Variants in DNM3 observed in about 807,000 individuals in gnomAD.
DNM3 encodes the protein dynamin 3.
Under a neutral mutation model 101.6 loss-of-function variants are expected in DNM3, and 47 were observed. The observed-to-expected ratio is 0.46, with a 90% CI of 0.37 to 0.59. The LOEUF is 0.59. DNM3 is among the 20% of genes least tolerant of loss of function. DNM3 has a pLI of 0.00. For synonymous variants in DNM3, 385 were observed against 387.9 expected, an observed-to-expected ratio of 0.99 and a Z score of 0.09; for missense variants, 849 against 1,085.7, an observed-to-expected ratio of 0.78 and a Z score of 3.06.
intron 17 of DNM3, among the ~76,000 whole-genome samples, chr1:172,332,650 G>C (rs374680090): frequency 6.6e-6 from 1 of 152,116 alleles, no homozygotes; most frequent in Non-Finnish European, 1.5e-5. Flanking sequence ...GCAGGACCCA[G>C]GCCAGTAGGA....
At chr1:172,274,827 G>A (rs2063219911) in intron 15 of DNM3, among the ~76,000 whole-genome samples, 2 of 151,346 alleles carry the variant, frequency 1.3e-5, no homozygotes, top group Non-Finnish European at 2.9e-5. Flanking sequence ...CACCTTATGA[G>A]TTCAGCAGCA....
chr1:171,929,317 G>A (rs1297289885), intron 2 of DNM3, among the ~76,000 whole-genome samples: 2 of 152,138 alleles, frequency 1.3e-5, no homozygotes, highest in Non-Finnish European at 2.9e-5. Context: ...TTAGGAAGTT[G>A]CACCTGGTGG....
At chr1:172,119,915 C>G (rs1480451296) in intron 13 of DNM3, among the ~76,000 whole-genome samples, 1 of 152,150 alleles carries the variant, frequency 6.6e-6, no homozygotes, top group Non-Finnish European at 1.5e-5. Context: ...CCTAAATATT[C>G]TTCAAATCTG....
rs568084944 is a variant in DNM3 at position 172,379,693 on chromosome 1, A to C, written c.2058+511A>C. Among the ~76,000 whole-genome samples the C allele has an allele frequency of 2.6e-5, 4 of 152,106 alleles. No homozygotes were observed. The South Asian group carries it at 6.2e-4, about 24-fold the overall frequency. ...CTTGCTTTATTCCCTCGGATTAAAA[A>C]CTCAGTGAATTTTATTTTTCTAAGG... On this transcript the variant is annotated intron_variant, in intron 18 of 20. Transcript: ENST00000627582.
chr1:172,347,681 G>A (rs1396388879), intron 17 of DNM3, among the ~76,000 whole-genome samples: 1 of 152,182 alleles, frequency 6.6e-6, no homozygotes, highest in Admixed American at 6.5e-5. Context: ...ATCACAGATT[G>A]TGTTAGATGA....
At chr1:171,904,356 A>G (rs958729154) in intron 1 of DNM3, among the ~76,000 whole-genome samples, 1 of 152,116 alleles carries the variant, frequency 6.6e-6, no homozygotes, top group African/African-American at 2.4e-5. Flanking sequence ...ATGCAACTTT[A>G]TTGTTTGTTC....
chr1:172,160,467 A>G (rs1427725150), intron 14 of DNM3, among the ~76,000 whole-genome samples: 1 of 152,038 alleles, frequency 6.6e-6, no homozygotes, highest in African/African-American at 2.4e-5. Flanking sequence ...TTGTTAAAAC[A>G]TATAGACACA....
At chr1:171,856,700 T>C (rs2033648927) in intron 1 of DNM3, among the ~76,000 whole-genome samples, 1 of 152,176 alleles carries the variant, frequency 6.6e-6, no homozygotes, top group African/African-American at 2.4e-5. Context: ...ATAGAAATGA[T>C]AGTGATTTTT....
chr1:172,024,650 G>A (rs1484592725), intron 4 of DNM3, among the ~76,000 whole-genome samples: 1 of 152,210 alleles, frequency 6.6e-6, no homozygotes, highest in Non-Finnish European at 1.5e-5. Flanking sequence ...GCCCATGGAG[G>A]GCAAGCCAAA....
chr1:171,987,080 A>G (rs1228854801), intron 2 of DNM3, among the ~76,000 whole-genome samples: 2 of 152,096 alleles, frequency 1.3e-5, no homozygotes, highest in Non-Finnish European at 2.9e-5. Flanking sequence ...ATTTGCTTTG[A>G]TATAATACTC....
At chr1:172,355,144 C>G (rs2067387115) in intron 17 of DNM3, among the ~76,000 whole-genome samples, 2 of 152,016 alleles carry the variant, frequency 1.3e-5, no homozygotes, top group African/African-American at 4.8e-5. Context: ...TTCTGGGAGC[C>G]TGTAGAAACA....
chr1:171,977,483 A>G lies in DNM3; in HGVS notation c.236-10173A>G, dbSNP rs1330275368. On this transcript the variant is annotated intron_variant, in intron 2 of 20. Coordinates refer to ENST00000627582, the MANE Select transcript of DNM3 (RefSeq NM_015569.5). Reference sequence around the variant, plus strand: ...AAAAAAAGCATAAAATAGCACATAAAACACTTTTTAAGTAAACAAAGTAAT... The same window carrying G: ...AAAAAAAGCATAAAATAGCACATAAGACACTTTTTAAGTAAACAAAGTAAT... Among the ~76,000 whole-genome samples, 2 of 152,244 alleles carry G rather than the reference A, an allele frequency of 1.3e-5. 1 individual carries two copies. Among genetic ancestry groups the G allele is most frequent in the Admixed American group, 1.3e-4 (2 of 15,292 alleles).
chr1:172,194,075 G>C (rs560322281), intron 14 of DNM3, among the ~76,000 whole-genome samples: 1 of 152,150 alleles, frequency 6.6e-6, no homozygotes, highest in African/African-American at 2.4e-5. Flanking sequence ...TGTTCTCATT[G>C]GTTTCAAAGA....
intron 20 of DNM3, among the ~76,000 whole-genome samples, chr1:172,395,829 A>G (rs1176307830): frequency 6.6e-6 from 1 of 152,242 alleles, no homozygotes. Flanking sequence ...GCTGTCGCCA[A>G]AAGACTGTTA....
chr1:172,016,782 C>A (rs1363469535), intron 4 of DNM3, among the ~76,000 whole-genome samples: 1 of 152,056 alleles, frequency 6.6e-6, no homozygotes, highest in Non-Finnish European at 1.5e-5. Context: ...GAATATAAGC[C>A]TGTTCCAATC....
intron 7 of DNM3, 33 bp downstream of exon 7, chr1:172,038,494 T>G: frequency 1.9e-6 from 3 of 1,599,552 alleles, no homozygotes; most frequent in Non-Finnish European, 2.6e-6. Context: ...GGCTCAGCAT[T>G]TTAATCTAAT....
intron 14 of DNM3, among the ~76,000 whole-genome samples, chr1:172,181,977 G>T (rs556651445): frequency 6.6e-6 from 1 of 151,926 alleles, no homozygotes; most frequent in Non-Finnish European, 1.5e-5. Flanking sequence ...TCTGTTTTTG[G>T]TGGGTGTTGC....
At chr1:172,357,874 A>G (rs2067531072) in intron 17 of DNM3, among the ~76,000 whole-genome samples, 2 of 152,046 alleles carry the variant, frequency 1.3e-5, no homozygotes, top group Non-Finnish European at 2.9e-5. Context: ...AAGAAAGGCC[A>G]TTTATATGTT....
At chr1:172,152,118 A>G (rs957799551) in intron 14 of DNM3, among the ~76,000 whole-genome samples, 1 of 152,110 alleles carries the variant, frequency 6.6e-6, no homozygotes, top group Non-Finnish European at 1.5e-5. Context: ...TCCTGGACTC[A>G]TGGGATCTTC....
Sources: gnomAD v4.1 joint callset for allele counts (sites outside exome capture counted in the v4.1 genomes callset) on GRCh38, gnomAD v4.1.1 for gene constraint, MANE v1.5 for transcripts, NCBI Gene and HGNC (gene_info 2026-07-23, HGNC 2026-07-21) for gene names.